The following CCSER1 variants were observed in gnomAD, a reference collection of about 807,000 sequenced individuals.
CCSER1 encodes the protein serine-rich coiled-coil domain-containing protein 1.
CCSER1 carries 41 observed loss-of-function variants against 82.0 expected under a neutral mutation model. The observed-to-expected ratio is 0.50, with a 90% CI of 0.39 to 0.65. CCSER1 has a LOEUF of 0.65. CCSER1 is among the 30% of genes least tolerant of loss of function. The pLI is 0.00. For synonymous variants in CCSER1, 414 were observed against 383.9 expected, an observed-to-expected ratio of 1.08 and a Z score of -0.92; for missense variants, 1,119 against 1,064.2, an observed-to-expected ratio of 1.05 and a Z score of -0.72.
At chr4:90,949,127 G>A (rs1447126137) in intron 9 of CCSER1, among the ~76,000 whole-genome samples, 1 of 152,050 alleles carries the variant, frequency 6.6e-6, no homozygotes, top group African/African-American at 2.4e-5. Flanking sequence ...AGTACCTCAT[G>A]AGTATCAGAC....
intron 8 of CCSER1, among the ~76,000 whole-genome samples, chr4:90,816,685 T>C (rs921264132): frequency 1.3e-5 from 2 of 152,092 alleles, no homozygotes; most frequent in Admixed American, 1.3e-4. Context: ...TGACTCATTA[T>C]CAAGATCAAG....
At chr4:91,513,808 G>T (rs1759954092) in intron 10 of CCSER1, among the ~76,000 whole-genome samples, 1 of 151,622 alleles carries the variant, frequency 6.6e-6, no homozygotes, top group African/African-American at 2.4e-5. Context: ...TGTTTGTAAT[G>T]TTACCATTTT....
chr4:90,129,004 C>T (rs1181969372), intron 1 of CCSER1, among the ~76,000 whole-genome samples: 1 of 152,116 alleles, frequency 6.6e-6, no homozygotes, highest in Non-Finnish European at 1.5e-5. Flanking sequence ...TTTATGTCCT[C>T]TTCTCCACCC....
intron 10 of CCSER1, among the ~76,000 whole-genome samples, chr4:91,141,020 A>G: frequency 6.6e-6 from 1 of 152,068 alleles, no homozygotes; most frequent in East Asian, 1.9e-4. Flanking sequence ...ATGGTCATGT[A>G]TGTCCAATGT....
At chr4:91,152,362 G>T (rs939353686) in intron 10 of CCSER1, among the ~76,000 whole-genome samples, 1 of 152,110 alleles carries the variant, frequency 6.6e-6, no homozygotes, top group Non-Finnish European at 1.5e-5. Context: ...TTGAGCCTAT[G>T]TGTGTCTCTG....
At chr4:90,303,505 C>T (rs1055402348) in intron 1 of CCSER1, among the ~76,000 whole-genome samples, 3 of 152,054 alleles carry the variant, frequency 2.0e-5, no homozygotes, top group Non-Finnish European at 2.9e-5. Flanking sequence ...CGCATATCTA[C>T]AACTATCTGA....
intron 10 of CCSER1, among the ~76,000 whole-genome samples, chr4:91,116,561 T>C (rs1240797880): frequency 1.3e-5 from 2 of 152,174 alleles, no homozygotes; most frequent in African/African-American, 4.8e-5. Flanking sequence ...CTTCATAGAG[T>C]TATTATGAGA....
intron 9 of CCSER1, among the ~76,000 whole-genome samples, chr4:90,990,222 T>A (rs990430718): frequency 6.6e-6 from 1 of 151,860 alleles, no homozygotes; most frequent in African/African-American, 2.4e-5. Flanking sequence ...TGGGAGACTG[T>A]TTCAGCTACA....
At chr4:90,691,628 GTATATATATCACA>G (rs1735967187) in intron 6 of CCSER1, among the ~76,000 whole-genome samples, 1 of 151,202 alleles carries the variant, frequency 6.6e-6, no homozygotes, top group Non-Finnish European at 1.5e-5. Context: ...ATATGTGTAT[GTATATATATCACA>G]TGTATATATA....
intron 10 of CCSER1, among the ~76,000 whole-genome samples, chr4:91,087,285 T>C (rs1723484571): frequency 6.6e-6 from 1 of 152,116 alleles, no homozygotes; most frequent in South Asian, 2.1e-4. Flanking sequence ...ATAGCAACTT[T>C]GTGTCAAAAG....
intron 10 of CCSER1, among the ~76,000 whole-genome samples, chr4:91,190,333 C>T (rs1373103500): frequency 1.3e-5 from 2 of 152,208 alleles, no homozygotes; most frequent in African/African-American, 4.8e-5. Flanking sequence ...TATCCCTGCT[C>T]TAATGTCTTC....
chr4:91,328,598 A>G (rs182006595), intron 10 of CCSER1, among the ~76,000 whole-genome samples: 2 of 152,216 alleles, frequency 1.3e-5, no homozygotes, highest in East Asian at 3.8e-4. Context: ...CTTGGATTTT[A>G]GATTTCAGTA....
intron 4 of CCSER1, among the ~76,000 whole-genome samples, chr4:90,462,033 G>A (rs1417440871): frequency 6.6e-6 from 1 of 151,088 alleles, no homozygotes; most frequent in Non-Finnish European, 1.5e-5. Flanking sequence ...GCAATGGCTT[G>A]TATCTTATCT....
At chr4:91,560,718 A>G (rs548233006) in intron 10 of CCSER1, among the ~76,000 whole-genome samples, 1 of 151,582 alleles carries the variant, frequency 6.6e-6, no homozygotes, top group South Asian at 2.1e-4. Context: ...ATGGCAAATT[A>G]TTCACTCATA....
intron 10 of CCSER1, among the ~76,000 whole-genome samples, chr4:91,533,754 G>T (rs548410049): frequency 1.6e-4 from 24 of 151,944 alleles, no homozygotes; most frequent in Admixed American, 3.9e-4. Flanking sequence ...TTCTTTGTAA[G>T]CTCATTATTT....
chr4:90,254,978 AACACACACAC>A (rs142987718), intron 1 of CCSER1, among the ~76,000 whole-genome samples: 6,529 of 142,986 alleles, frequency 0.046, 359 homozygotes, highest in African/African-American at 0.13. Flanking sequence ...CATATATATC[AACACACACAC>A]ACACACACAC....
intron 10 of CCSER1, among the ~76,000 whole-genome samples, chr4:91,263,345 C>T (rs923618765): frequency 2.0e-5 from 3 of 152,140 alleles, no homozygotes; most frequent in East Asian, 3.9e-4. Flanking sequence ...CGACATTCTG[C>T]ACTTAAATTT....
chr4:91,455,350 A>G (rs1756098539), intron 10 of CCSER1, among the ~76,000 whole-genome samples: 1 of 152,106 alleles, frequency 6.6e-6, no homozygotes. Flanking sequence ...TCAGTATACA[A>G]TATGATAGCA....
chr4:90,180,876 A>T (rs1481779047), intron 1 of CCSER1, among the ~76,000 whole-genome samples: 1 of 152,128 alleles, frequency 6.6e-6, no homozygotes, highest in Non-Finnish European at 1.5e-5. Flanking sequence ...TGTTGCTAAG[A>T]CTATAGGTTG....
Sources: allele counts gnomAD v4.1 joint callset (sites outside exome capture counted in the v4.1 genomes callset), GRCh38; gene constraint gnomAD v4.1.1; transcripts MANE v1.5; gene names NCBI Gene and HGNC (gene_info 2026-07-23, HGNC 2026-07-21).